The following SP140 variants were observed in gnomAD, a reference collection of about 807,000 sequenced individuals.
SP140 encodes nuclear body protein SP140.
SP140 carries 81 observed loss-of-function variants against 125.0 expected under a neutral mutation model. The ratio of observed to expected loss-of-function variants is 0.65; its 90% CI spans 0.54 to 0.78. The LOEUF (loss-of-function observed/expected upper bound fraction) is 0.78, where lower values mean the gene tolerates loss of function less well. SP140 is among the 30% of genes least tolerant of loss of function. The pLI, the probability that SP140 is intolerant of heterozygous loss-of-function variation, is 0.00. For synonymous variants in SP140, 312 were observed against 354.0 expected (o/e 0.88, Z 1.33); for missense variants, 858 against 1,037.0 (o/e 0.83, Z 2.37).
the SP140 span, among the ~76,000 whole-genome samples, chr2:230,191,073 T>C: frequency 6.6e-6 from 1 of 151,318 alleles, no homozygotes; most frequent in East Asian, 1.9e-4. Flanking sequence ...TTTAAAATAG[T>C]TTTTTTTTCT....
upstream of SP140, chr2:230,202,671 G>A (rs778951656): frequency 4.1e-5 from 66 of 1,613,944 alleles, no homozygotes; most frequent in Non-Finnish European, 5.5e-5. Context: ...TTTCTTTTGA[G>A]GAACCTGATC....
At chr2:230,239,320 C>A (rs987398570) in intron 3 of SP140, among the ~76,000 whole-genome samples, 2 of 152,164 alleles carry the variant, frequency 1.3e-5, no homozygotes, top group African/African-American at 2.4e-5. Context: ...TTGTGTATAA[C>A]CTATGCACAT....
At chr2:230,199,689 C>T (rs1320113469), upstream of SP140, among the ~76,000 whole-genome samples, 3 of 151,966 alleles carry the variant, frequency 2.0e-5, no homozygotes, top group Non-Finnish European at 4.4e-5. Flanking sequence ...CCACAGAGAC[C>T]AAATAGTTTC....
At chr2:230,191,565 C>T in the SP140 span, among the ~76,000 whole-genome samples, 4 of 152,106 alleles carry the variant, frequency 2.6e-5, no homozygotes, top group Non-Finnish European at 1.5e-5. Context: ...CACATACACC[C>T]TATCAAGACT....
chr2:230,231,051 A>G (rs2047164699), intron 1 of SP140, among the ~76,000 whole-genome samples: 1 of 152,184 alleles, frequency 6.6e-6, no homozygotes, highest in Admixed American at 6.5e-5. Flanking sequence ...TGAACTCATC[A>G]AAGGTATTCT....
At chr2:230,305,459 T>A (rs769335902) in intron 22 of SP140, among the ~76,000 whole-genome samples, 73 of 152,282 alleles carry the variant, frequency 4.8e-4, no homozygotes, top group Middle Eastern at 3.4e-3. Flanking sequence ...TGCAGTGAGG[T>A]GCAGGCGCTG....
intron 22 of SP140, among the ~76,000 whole-genome samples, chr2:230,307,986 TATATACACACAC>T (rs1376492470): frequency 2.3e-5 from 2 of 85,620 alleles, no homozygotes; most frequent in African/African-American, 9.9e-5. Flanking sequence ...TATATATATA[TATATACACACAC>T]ACACACACAC....
At chr2:230,266,097 C>A (rs932095581) in intron 12 of SP140, among the ~76,000 whole-genome samples, 3 of 152,076 alleles carry the variant, frequency 2.0e-5, no homozygotes, top group Non-Finnish European at 2.9e-5. Context: ...AAAAGATTGA[C>A]CCCCATTGTC....
chr2:230,232,034 C>T (rs1179072883), intron 1 of SP140, among the ~76,000 whole-genome samples: 2 of 152,160 alleles, frequency 1.3e-5, no homozygotes, highest in Non-Finnish European at 2.9e-5. Flanking sequence ...TTAGAAGTGA[C>T]AAGATGGCCA....
At chr2:230,196,105 T>A in the SP140 span, among the ~76,000 whole-genome samples, 1 of 152,218 alleles carries the variant, frequency 6.6e-6, no homozygotes, top group South Asian at 2.1e-4. Context: ...TGAATACTCA[T>A]ATATTGTTAA....
At chr2:230,273,261 C>T (rs575966233) in intron 15 of SP140, among the ~76,000 whole-genome samples, 2 of 152,246 alleles carry the variant, frequency 1.3e-5, no homozygotes, top group South Asian at 4.2e-4. Flanking sequence ...AAACAAACAG[C>T]CCCATTAAAA....
At chr2:230,203,460 C>A (rs1220045790) in intron 1 of SP140, 1 of 152,468 alleles carries the variant, frequency 6.6e-6, no homozygotes, top group Admixed American at 6.5e-5. Flanking sequence ...CAGGCCACTT[C>A]CGGAGGAAAA....
At chr2:230,260,510 C>G (rs2052050423) in intron 12 of SP140, among the ~76,000 whole-genome samples, 1 of 152,180 alleles carries the variant, frequency 6.6e-6, no homozygotes, top group Non-Finnish European at 1.5e-5. Flanking sequence ...GTCATGAAGG[C>G]CTTGCCTAAG....
chr2:230,307,976 TATATATATATATATACACAC>T (rs1253637087), intron 22 of SP140, among the ~76,000 whole-genome samples: 3 of 91,098 alleles, frequency 3.3e-5, no homozygotes, highest in Admixed American at 1.1e-4. Flanking sequence ...TATATATATA[TATATATATATATATACACAC>T]ACACACACAC....
At chr2:230,262,990 A>T (rs1466371501) in intron 12 of SP140, among the ~76,000 whole-genome samples, 2 of 152,190 alleles carry the variant, frequency 1.3e-5, no homozygotes, top group African/African-American at 4.8e-5. Context: ...TCCAAGGTAT[A>T]GTTTAAACCC....
intron 7 of SP140, 93 bp from the exon 8 acceptor site, chr2:230,247,823 C>T (rs1183948408): frequency 1.0e-5 from 14 of 1,338,206 alleles, no homozygotes; most frequent in Non-Finnish European, 1.4e-5. Context: ...AAAAAGTCAC[C>T]TTGTTTCACT....
chr2:230,229,798 C>T (rs1004085437), intron 1 of SP140, among the ~76,000 whole-genome samples: 1 of 151,984 alleles, frequency 6.6e-6, no homozygotes, highest in African/African-American at 2.4e-5. Flanking sequence ...AGGTTAATTT[C>T]ACAGGATATG....
the SP140 span, among the ~76,000 whole-genome samples, chr2:230,190,770 C>T: frequency 2.6e-5 from 4 of 152,230 alleles, no homozygotes; most frequent in African/African-American, 9.6e-5. Flanking sequence ...CAGTTTTCTG[C>T]ATATGGATAG....
intron 19 of SP140, 99 bp from the exon 20 acceptor site, chr2:230,292,547 A>C: frequency 2.0e-6 from 3 of 1,490,670 alleles, no homozygotes; most frequent in Non-Finnish European, 1.8e-6. Context: ...ATTGATCTGC[A>C]TCACAAATTG....
Sources: gnomAD v4.1 joint callset for allele counts (sites outside exome capture counted in the v4.1 genomes callset) on GRCh38, gnomAD v4.1.1 for gene constraint, MANE v1.5 for transcripts, NCBI Gene and HGNC (gene_info 2026-07-23, HGNC 2026-07-21) for gene names.